RALYL: variants seen among roughly 807,000 people sequenced by gnomAD.
The protein encoded by RALYL is RALY RNA binding protein like, also known as RNA-binding Raly-like protein.
RALYL carries 29 observed loss-of-function variants against 35.1 expected under a neutral mutation model. The observed-to-expected ratio is 0.83, with a 90% CI of 0.61 to 1.13. The LOEUF (loss-of-function observed/expected upper bound fraction) is 1.13. Among genes scored for constraint, RALYL ranks in the 50% most tolerant of loss-of-function variants. RALYL has a pLI of 0.00. For synonymous variants in RALYL, 120 were observed against 127.6 expected (o/e 0.94, Z 0.40); for missense variants, 359 against 360.4 (o/e 1.00, Z 0.03).
At chr8:84,278,360 A>G (rs1469911807) in intron 1 of RALYL, among the ~76,000 whole-genome samples, 2 of 152,236 alleles carry the variant, frequency 1.3e-5, no homozygotes, top group Non-Finnish European at 2.9e-5. Context: ...GCCTGGCCCA[A>G]TAAACCATTT....
chr8:84,798,844 G>A (rs138251210), intron 3 of RALYL, among the ~76,000 whole-genome samples: 601 of 152,184 alleles, frequency 3.9e-3, no homozygotes, highest in African/African-American at 0.013. Flanking sequence ...AGCAGGATGC[G>A]GGAAAGCAAA....
At chr8:84,605,774 A>T (rs1157383435) in intron 2 of RALYL, among the ~76,000 whole-genome samples, 1 of 152,088 alleles carries the variant, frequency 6.6e-6, no homozygotes, top group Non-Finnish European at 1.5e-5. Flanking sequence ...CTCCTGCCTC[A>T]GTAACCTAGC....
chr8:84,221,286 G>GGTGT (rs34244361), intron 1 of RALYL, among the ~76,000 whole-genome samples: 1 of 150,574 alleles, frequency 6.6e-6, no homozygotes. Flanking sequence ...ATGGAAAGCG[G>GGTGT]GTGTGTGTGT....
rs531255536 is a variant in RALYL at position 84,916,346 on chromosome 8, T to C, written c.859-4548T>C. Among the ~76,000 whole-genome samples the C allele has an allele frequency of 5.9e-5, 9 of 152,128 alleles. No individual in the cohort carries two copies. In the South Asian group the frequency reaches 1.9e-3, roughly 32 times the overall value. On this transcript the variant is annotated intron_variant, in intron 8 of 8. Coordinates refer to ENST00000521268, the MANE Select transcript of RALYL (RefSeq NM_173848.7). ...TAACTCTGAAAAAGAGGGTTCTTTT[T>C]TTTTAAATCACATATGGTAAGTCAT... is the stretch of plus-strand genomic sequence containing the variant.
At chr8:84,625,749 T>C (rs1338554025) in intron 2 of RALYL, among the ~76,000 whole-genome samples, 1 of 152,170 alleles carries the variant, frequency 6.6e-6, no homozygotes, top group Non-Finnish European at 1.5e-5. Flanking sequence ...ATACAAGCTC[T>C]CAGGATGACC....
intron 5 of RALYL, among the ~76,000 whole-genome samples, chr8:84,851,335 AG>A (rs1835824132): frequency 6.6e-6 from 1 of 152,182 alleles, no homozygotes; most frequent in Non-Finnish European, 1.5e-5. Flanking sequence ...CTAGAAGCAA[AG>A]TTTGGACTTT....
chr8:84,831,613 T>A (rs1250250598), intron 4 of RALYL, among the ~76,000 whole-genome samples: 1 of 152,142 alleles, frequency 6.6e-6, no homozygotes, highest in Non-Finnish European at 1.5e-5. Context: ...AAAATGACTA[T>A]GTAGAAAAAT....
At chr8:84,263,985 G>A (rs1434431151) in intron 1 of RALYL, among the ~76,000 whole-genome samples, 4 of 152,132 alleles carry the variant, frequency 2.6e-5, no homozygotes, top group Non-Finnish European at 5.9e-5. Context: ...TGGTATATAT[G>A]TACCACATTT....
chr8:84,847,136 C>T (rs1242532076), intron 4 of RALYL, among the ~76,000 whole-genome samples: 1 of 152,202 alleles, frequency 6.6e-6, no homozygotes, highest in African/African-American at 2.4e-5. Context: ...GCTGCCGCTG[C>T]CCCCTACACA....
intron 4 of RALYL, among the ~76,000 whole-genome samples, chr8:84,841,555 T>C (rs1428058510): frequency 6.6e-6 from 1 of 152,102 alleles, no homozygotes; most frequent in East Asian, 1.9e-4. Context: ...ATTAGACAGA[T>C]CAACGAGACA....
At chr8:84,362,473 C>G (rs559640462) in intron 1 of RALYL, among the ~76,000 whole-genome samples, 83 of 152,196 alleles carry the variant, frequency 5.5e-4, no homozygotes, top group African/African-American at 1.9e-3. Flanking sequence ...CTGTTAGGAA[C>G]TGGGTGGCAC....
At chr8:84,245,365 C>G (rs1281264686) in intron 1 of RALYL, among the ~76,000 whole-genome samples, 2 of 152,120 alleles carry the variant, frequency 1.3e-5, no homozygotes, top group Non-Finnish European at 1.5e-5. Context: ...TAATTGGCAG[C>G]TTCTGAAGTG....
chr8:84,350,359 G>A (rs952022127), intron 1 of RALYL, among the ~76,000 whole-genome samples: 6 of 150,512 alleles, frequency 4.0e-5, no homozygotes, highest in Admixed American at 3.3e-4. Flanking sequence ...AGTTGCTGTT[G>A]AGTGCTGTTT....
intron 2 of RALYL, among the ~76,000 whole-genome samples, chr8:84,759,454 A>G (rs1812178291): frequency 1.3e-5 from 2 of 152,120 alleles, no homozygotes; most frequent in Non-Finnish European, 2.9e-5. Context: ...AACTGCCTGC[A>G]CTAGTTATTC....
chr8:84,546,024 A>G (rs964377225), intron 2 of RALYL, among the ~76,000 whole-genome samples: 1 of 152,164 alleles, frequency 6.6e-6, no homozygotes, highest in Non-Finnish European at 1.5e-5. Flanking sequence ...TTCCACATTA[A>G]AATTCTGACT....
At chr8:84,523,894 T>C (rs2058677150) in intron 1 of RALYL, among the ~76,000 whole-genome samples, 1 of 152,102 alleles carries the variant, frequency 6.6e-6, no homozygotes, top group South Asian at 2.1e-4. Flanking sequence ...ATGTGCCACA[T>C]TTTCTTAATC....
chr8:84,444,316 A>G (rs1344498029), intron 1 of RALYL, among the ~76,000 whole-genome samples: 1 of 152,108 alleles, frequency 6.6e-6, no homozygotes, highest in Admixed American at 6.6e-5. Flanking sequence ...GCAACAGAGC[A>G]AGAGCCTGTC....
chr8:84,367,239 G>A (rs1373791581), intron 1 of RALYL, among the ~76,000 whole-genome samples: 5 of 141,874 alleles, frequency 3.5e-5, no homozygotes, highest in African/African-American at 1.3e-4. Context: ...AGGCTCAAGC[G>A]ATTCTCCTGC....
At chr8:84,815,772 C>T (rs1029237264) in intron 4 of RALYL, among the ~76,000 whole-genome samples, 19 of 151,886 alleles carry the variant, frequency 1.3e-4, no homozygotes, top group Admixed American at 7.9e-4. Context: ...CGCGGTGGCT[C>T]ATGCCTGGAA....
Sources: gnomAD v4.1 joint callset for allele counts (sites outside exome capture counted in the v4.1 genomes callset) on GRCh38, gnomAD v4.1.1 for gene constraint, MANE v1.5 for transcripts, NCBI Gene and HGNC (gene_info 2026-07-23, HGNC 2026-07-21) for gene names.